Variants in RUNDC3B observed in about 807,000 individuals in gnomAD.
RUNDC3B encodes RUN domain-containing protein 3B.
A neutral mutation model predicts 58.4 loss-of-function variants in RUNDC3B; 33 were observed. The observed-to-expected ratio is 0.56, with a 90% CI of 0.43 to 0.75. RUNDC3B has a LOEUF of 0.75. Ranked by LOEUF, RUNDC3B falls within the 30% of genes least tolerant of loss-of-function variation. RUNDC3B has a pLI of 0.00. For missense variants in RUNDC3B, 501 were observed against 535.7 expected, an observed-to-expected ratio of 0.94 and a Z score of 0.64; for synonymous variants, 193 against 195.2, an observed-to-expected ratio of 0.99 and a Z score of 0.10.
intron 6 of RUNDC3B, among the ~76,000 whole-genome samples, chr7:87,757,207 G>GT (rs1325891946): frequency 2.0e-5 from 3 of 152,056 alleles, no homozygotes; most frequent in South Asian, 2.1e-4. Context: ...TGACTTCATT[G>GT]TTTTTTTATT....
intron 2 of RUNDC3B, among the ~76,000 whole-genome samples, chr7:87,687,910 T>C (rs1296311889): frequency 6.6e-6 from 1 of 152,198 alleles, no homozygotes; most frequent in Non-Finnish European, 1.5e-5. Flanking sequence ...ACCTGTTCAT[T>C]TGGCTTTTGA....
intron 7 of RUNDC3B, among the ~76,000 whole-genome samples, chr7:87,773,646 T>TCTTGTCTTG (rs1345994634): frequency 2.1e-4 from 28 of 133,698 alleles, no homozygotes; most frequent in African/African-American, 8.0e-4. Context: ...GTTTGTTTTG[T>TCTTGTCTTG]TTTTGTCTTG....
chr7:87,750,943 A>G (rs954247327), intron 6 of RUNDC3B, among the ~76,000 whole-genome samples: 1 of 152,106 alleles, frequency 6.6e-6, no homozygotes, highest in African/African-American at 2.4e-5. Flanking sequence ...TTTAGACATG[A>G]AGTCCTTGCC....
At chr7:87,753,255 C>T (rs1456332541) in intron 6 of RUNDC3B, among the ~76,000 whole-genome samples, 4 of 151,166 alleles carry the variant, frequency 2.6e-5, no homozygotes, top group Admixed American at 1.3e-4. Flanking sequence ...GTTATAATTT[C>T]TGTTCTTTTA....
chr7:87,649,686 G>A (rs1041626294), intron 1 of RUNDC3B, among the ~76,000 whole-genome samples: 1 of 152,028 alleles, frequency 6.6e-6, no homozygotes, highest in Admixed American at 6.6e-5. Flanking sequence ...TAAAAATTTT[G>A]GATGTTGAAA....
chr7:87,681,363 A>G (rs1002882480), intron 2 of RUNDC3B, among the ~76,000 whole-genome samples: 1 of 150,636 alleles, frequency 6.6e-6, no homozygotes, highest in African/African-American at 2.5e-5. Flanking sequence ...TAGACAAAAT[A>G]TTACAAGAAA....
intron 2 of RUNDC3B, among the ~76,000 whole-genome samples, chr7:87,698,169 G>A (rs1412964797): frequency 2.6e-5 from 4 of 151,980 alleles, no homozygotes; most frequent in South Asian, 2.1e-4. Context: ...GCACGATCTC[G>A]GCTCACTGCA....
intron 6 of RUNDC3B, among the ~76,000 whole-genome samples, chr7:87,767,197 C>T (rs1460846468): frequency 6.6e-6 from 1 of 152,040 alleles, no homozygotes; most frequent in Non-Finnish European, 1.5e-5. Flanking sequence ...ATTTAACTTC[C>T]TTATAATCTA....
chr7:87,718,798 G>C (rs990787185), intron 4 of RUNDC3B, among the ~76,000 whole-genome samples: 1 of 152,108 alleles, frequency 6.6e-6, no homozygotes, highest in Non-Finnish European at 1.5e-5. Flanking sequence ...TTTCCAATAA[G>C]ATTTTAAAGA....
At position 87,785,816 on chromosome 7, in the gene RUNDC3B, G is replaced by A. The variant is rs562684498; in HGVS notation, c.956+7861G>A. ...TGTTCCATGAACCCTTCTGAGCTCT[G>A]CACAGGTTTGAGCTCTGCCTCTGCA... On this transcript the variant is annotated intron_variant, in intron 8 of 10. Transcript: ENST00000394654. Among the ~76,000 whole-genome samples the A allele has an allele frequency of 7.9e-5, 12 of 152,284 alleles. No individual in the cohort carries two copies. The South Asian group carries it at 1.0e-3, about 13-fold the overall frequency.
At chr7:87,643,889 C>T (rs564041778) in intron 1 of RUNDC3B, among the ~76,000 whole-genome samples, 7 of 149,358 alleles carry the variant, frequency 4.7e-5, no homozygotes, top group African/African-American at 7.4e-5. Flanking sequence ...TGTTTGTTTC[C>T]GCTCTTTCAC....
chr7:87,639,682 A>G (rs1306471318), intron 1 of RUNDC3B, among the ~76,000 whole-genome samples: 1 of 152,126 alleles, frequency 6.6e-6, no homozygotes, highest in African/African-American at 2.4e-5. Context: ...AGTCTGTTTT[A>G]TCTGCTACTA....
intron 4 of RUNDC3B, chr7:87,713,280 G>A (rs1830253978): frequency 1.3e-5 from 2 of 152,094 alleles, no homozygotes; most frequent in Admixed American, 6.6e-5. Flanking sequence ...ACTCTTCACA[G>A]GTAAAGAGTA....
chr7:87,765,559 T>C (rs1320150186), intron 6 of RUNDC3B, among the ~76,000 whole-genome samples: 1 of 152,036 alleles, frequency 6.6e-6, no homozygotes, highest in Non-Finnish European at 1.5e-5. Flanking sequence ...CCCAAATGTC[T>C]TCCAGGAGCA....
At chr7:87,752,800 G>A (rs200799903) in intron 6 of RUNDC3B, among the ~76,000 whole-genome samples, 6,796 of 149,816 alleles carry the variant, frequency 0.045, 223 homozygotes, top group East Asian at 0.084. Flanking sequence ...TGGTTTATCA[G>A]TTTTGTTGAT....
intron 4 of RUNDC3B, among the ~76,000 whole-genome samples, chr7:87,711,948 T>G (rs1352524231): frequency 3.3e-5 from 5 of 152,216 alleles, no homozygotes; most frequent in Non-Finnish European, 7.3e-5. Flanking sequence ...AAAGAAATCA[T>G]ATCTCTGAGA....
intron 6 of RUNDC3B, among the ~76,000 whole-genome samples, chr7:87,766,354 C>T (rs567119977): frequency 1.4e-4 from 22 of 152,150 alleles, no homozygotes; most frequent in African/African-American, 2.4e-4. Context: ...GAGCTTTGGA[C>T]GTATGTATGC....
chr7:87,803,315 A>G (rs1292130812), intron 8 of RUNDC3B, among the ~76,000 whole-genome samples: 1 of 152,224 alleles, frequency 6.6e-6, no homozygotes, highest in Non-Finnish European at 1.5e-5. Flanking sequence ...TTTTCAGTTG[A>G]GAAGTTTTGG....
At chr7:87,664,514 G>A (rs1159097083) in intron 2 of RUNDC3B, among the ~76,000 whole-genome samples, 1 of 152,094 alleles carries the variant, frequency 6.6e-6, no homozygotes, top group African/African-American at 2.4e-5. Context: ...ATGATGTAAG[G>A]TGTAACTCTT....
Sources: allele counts gnomAD v4.1 joint callset (sites outside exome capture counted in the v4.1 genomes callset), GRCh38; gene constraint gnomAD v4.1.1; transcripts MANE v1.5; gene names NCBI Gene and HGNC (gene_info 2026-07-23, HGNC 2026-07-21).